Variants in LBH observed in about 807,000 individuals in gnomAD.
LBH encodes LBH regulator of Wnt signaling pathway.
Under a neutral mutation model 12.5 loss-of-function variants are expected in LBH, and 7 were observed. That is an observed-to-expected ratio of 0.56 (90% CI 0.32 to 1.05). The LOEUF is 1.05. Ranked by LOEUF, LBH falls within the 50% of genes least tolerant of loss-of-function variation. The pLI is 0.04. For synonymous variants in LBH, 51 were observed against 50.1 expected (o/e 1.02, Z -0.08); for missense variants, 119 against 138.9 (o/e 0.86, Z 0.72).
At chr2:30,255,865 G>C (rs1399107551) in intron 2 of LBH, among the ~76,000 whole-genome samples, 1 of 152,200 alleles carries the variant, frequency 6.6e-6, no homozygotes, top group East Asian at 1.9e-4. Context: ...CTCTTCAAAT[G>C]TGTCTCCACC....
At chr2:30,254,186 A>T (rs1417201921) in intron 2 of LBH, among the ~76,000 whole-genome samples, 1 of 152,228 alleles carries the variant, frequency 6.6e-6, no homozygotes, top group East Asian at 1.9e-4. Flanking sequence ...GTTTTATCCT[A>T]TACATCCATA....
intron 2 of LBH, among the ~76,000 whole-genome samples, chr2:30,237,432 C>CTTCGAGGCATCCTCGATGAT (rs1558385824): frequency 5.3e-5 from 8 of 150,210 alleles, no homozygotes; most frequent in African/African-American, 1.9e-4. Context: ...CCAATGATGC[C>CTTCGAGGCATCCTCGATGAT]GCTTCGAGGA....
Position 30,257,733 on chromosome 2 carries a change from C to G in LBH, c.*112C>G. ...CCGCAATTGTTCTGAAAATGTCAAA[C>G]GAGGCTTCTGTTTTGCACCTGCAGA... On this transcript the variant is annotated 3_prime_UTR_variant, in exon 3 of 3. Transcript: ENST00000395323. The G allele has an allele frequency of 2.6e-6, 2 of 767,500 alleles. No individual in the cohort carries two copies. Among genetic ancestry groups the G allele is most frequent in the Non-Finnish European group, 3.9e-6 (2 of 508,842 alleles). The allele number at this position is 767,500 out of a possible 1,614,324, so 47.5% of individuals were successfully genotyped here. A position where few individuals can be genotyped will look rare whatever the true frequency, so the allele number is the denominator to read the frequency against.
chr2:30,250,900 A>G lies in LBH; in HGVS notation c.130-6533A>G, dbSNP rs1165347672. Among the ~76,000 whole-genome samples, 9 of 152,074 alleles carry G rather than the reference A, an allele frequency of 5.9e-5. No homozygotes were observed. In the East Asian group the frequency reaches 1.5e-3, roughly 26 times the overall value. Reference sequence around the variant, plus strand: ...GCCTTCATCGTCCGCATACTAAATCATCAATCCAACGAGGCAGCCACTCGC... The same window carrying G: ...GCCTTCATCGTCCGCATACTAAATCGTCAATCCAACGAGGCAGCCACTCGC... On this transcript the variant is annotated intron_variant, in intron 2 of 2. Coordinates refer to ENST00000395323, the MANE Select transcript of LBH (RefSeq NM_030915.4).
chr2:30,250,090 G>A (rs1446176779), intron 2 of LBH, among the ~76,000 whole-genome samples: 3 of 152,298 alleles, frequency 2.0e-5, no homozygotes, highest in South Asian at 2.1e-4. Flanking sequence ...AGATGGAGGC[G>A]AGGAAAAAGC....
chr2:30,259,733 A>G lies in LBH; in HGVS notation c.*2112A>G, dbSNP rs748915494. ...CTGAGCAGGCCAGGGGCTGACAGCT[A>G]ATGTCAGGACCCTCAGCGGTGGAGC... On this transcript the variant is annotated 3_prime_UTR_variant, in exon 3 of 3. Coordinates refer to ENST00000395323, the MANE Select transcript of LBH (RefSeq NM_030915.4). 66 of 152,322 alleles carry G rather than the reference A, an allele frequency of 4.3e-4. 1 individual carries two copies. The highest frequency in any genetic ancestry group is 4.2e-4 in the South Asian group (2 of 4,796). 9.4% of individuals were successfully genotyped at this position (152,322 alleles called of 1,614,324 possible).
At chr2:30,234,178 A>C (rs1402193852) in intron 1 of LBH, 1 of 534,292 alleles carries the variant, frequency 1.9e-6, no homozygotes, top group Non-Finnish European at 3.4e-6. Context: ...GAGGTTTGCC[A>C]GAGAGGTCTG....
At position 30,258,770 on chromosome 2, in the gene LBH, G is replaced by C. The variant is rs1372711222; in HGVS notation, c.*1149G>C. The C allele has an allele frequency of 6.6e-6, 1 of 152,278 alleles. No individual in the cohort carries two copies. Among genetic ancestry groups the C allele is most frequent in the Non-Finnish European group, 1.5e-5 (1 of 68,084 alleles). The allele number at this position is 152,278 out of a possible 1,614,324, so 9.4% of individuals were successfully genotyped here. A position where few individuals can be genotyped will look rare whatever the true frequency, so the allele number is the denominator to read the frequency against. ...TGTTGGGGAGGTGACTTGCATGGTG[G>C]GGACAAGGCTGTCGTGGCAACCTTG... is the stretch of plus-strand genomic sequence containing the variant. On this transcript the variant is annotated 3_prime_UTR_variant, in exon 3 of 3. Transcript: ENST00000395323.
intron 1 of LBH, among the ~76,000 whole-genome samples, chr2:30,233,824 T>A (rs13391700): frequency 0.059 from 8,964 of 152,256 alleles, 851 homozygotes; most frequent in African/African-American, 0.2. Flanking sequence ...GATGTGAAAC[T>A]TGCAGAAAAG....
chr2:30,257,344 C>A, intron 2 of LBH, 89 bp from the exon 3 acceptor site: 1 of 1,410,932 alleles, frequency 7.1e-7, no homozygotes, highest in Non-Finnish European at 9.9e-7. Context: ...GGCATGCACC[C>A]AGTATGCCAC....
At chr2:30,249,410 G>C (rs1205879095) in intron 2 of LBH, among the ~76,000 whole-genome samples, 3 of 152,182 alleles carry the variant, frequency 2.0e-5, no homozygotes, top group African/African-American at 4.8e-5. Flanking sequence ...TCGTAGGAAG[G>C]AAGGAACACA....
At chr2:30,242,466 A>G (rs568136229) in intron 2 of LBH, among the ~76,000 whole-genome samples, 2 of 151,866 alleles carry the variant, frequency 1.3e-5, no homozygotes, top group East Asian at 3.9e-4. Flanking sequence ...CTGGTCTCAA[A>G]CTCCTGCCCT....
intron 2 of LBH, among the ~76,000 whole-genome samples, chr2:30,239,924 C>T (rs1677759163): frequency 6.6e-6 from 1 of 152,182 alleles, no homozygotes; most frequent in African/African-American, 2.4e-5. Flanking sequence ...CCCATAAGCC[C>T]CCTGGTCACA....
At chr2:30,255,454 C>A (rs1678067835) in intron 2 of LBH, among the ~76,000 whole-genome samples, 1 of 152,348 alleles carries the variant, frequency 6.6e-6, no homozygotes, top group Middle Eastern at 3.4e-3. Flanking sequence ...TGTTTTCCTC[C>A]TGGCTGCCAT....
chr2:30,257,719 C>G lies in LBH; in HGVS notation c.*98C>G, dbSNP rs1029182375. 10 of 873,518 alleles carry G rather than the reference C, an allele frequency of 1.1e-5. No individual in the cohort carries two copies. In the Admixed American group the frequency reaches 2.3e-4, roughly 20 times the overall value. The allele number at this position is 873,518 out of a possible 1,614,324, so 54.1% of individuals were successfully genotyped here. A position where few individuals can be genotyped will look rare whatever the true frequency, so the allele number is the denominator to read the frequency against. ...AAGAAGAGAGTGAGCCGCAATTGTT[C>G]TGAAAATGTCAAACGAGGCTTCTGT... On this transcript the variant is annotated 3_prime_UTR_variant, in exon 3 of 3. Coordinates refer to ENST00000395323, the MANE Select transcript of LBH (RefSeq NM_030915.4).
chr2:30,252,912 C>A (rs1196940374), intron 2 of LBH, among the ~76,000 whole-genome samples: 2 of 152,194 alleles, frequency 1.3e-5, no homozygotes, highest in African/African-American at 2.4e-5. Context: ...TGAGAAATGC[C>A]TCTGAGAGCT....
At chr2:30,236,748 T>G (rs1372791389) in intron 2 of LBH, among the ~76,000 whole-genome samples, 1 of 151,986 alleles carries the variant, frequency 6.6e-6, no homozygotes, top group Non-Finnish European at 1.5e-5. Flanking sequence ...TCAGTCCAGG[T>G]GGGGGACATA....
In LBH at chr2:30,253,079, C is replaced by T. The variant is rs912728197; in HGVS notation, c.130-4354C>T. Among the ~76,000 whole-genome samples the T allele has an allele frequency of 2.6e-5, 4 of 152,304 alleles. No homozygotes were observed. The South Asian group carries it at 6.2e-4, about 24-fold the overall frequency. The stretch of plus-strand genomic sequence containing the variant: ...CAGTTCCTGCAGGCAGGCAGCATGC[C>T]GGCCTGGCCTGCCGCCTCAACCCCT... On this transcript the variant is annotated intron_variant, in intron 2 of 2. Coordinates refer to ENST00000395323, the MANE Select transcript of LBH (RefSeq NM_030915.4).
At chr2:30,231,820 G>C (rs1677590118) in intron 1 of LBH, 56 bp downstream of exon 1, 2 of 1,501,618 alleles carry the variant, frequency 1.3e-6, no homozygotes, top group Non-Finnish European at 8.9e-7. Context: ...CTGCGGGCCC[G>C]GGCGCCTGCT....
Sources: gnomAD v4.1 joint callset for allele counts (sites outside exome capture counted in the v4.1 genomes callset) on GRCh38, gnomAD v4.1.1 for gene constraint, MANE v1.5 for transcripts, NCBI Gene and HGNC (gene_info 2026-07-23, HGNC 2026-07-21) for gene names.